The following CACNA2D1 variants were observed in gnomAD, a reference collection of about 807,000 sequenced individuals.
CACNA2D1 encodes the protein calcium voltage-gated channel auxiliary subunit alpha2delta 1.
CACNA2D1 carries 53 observed loss-of-function variants against 171.5 expected under a neutral mutation model. The observed-to-expected ratio is 0.31, with a 90% CI of 0.25 to 0.39. CACNA2D1 has a LOEUF of 0.39. CACNA2D1 is among the 10% of genes least tolerant of loss of function. The pLI is 1.00. For synonymous variants in CACNA2D1, 442 were observed against 443.1 expected (o/e 1.00, Z 0.03); for missense variants, 903 against 1,299.8 (o/e 0.69, Z 4.69).
chr7:82,286,237 C>A (rs1167593921), intron 3 of CACNA2D1, among the ~76,000 whole-genome samples: 4 of 152,032 alleles, frequency 2.6e-5, no homozygotes, highest in African/African-American at 4.8e-5. Flanking sequence ...GGGTCCCAAG[C>A]GATTGAGAAA....
intron 3 of CACNA2D1, among the ~76,000 whole-genome samples, chr7:82,272,602 A>C (rs1808784281): frequency 6.6e-6 from 1 of 152,184 alleles, no homozygotes; most frequent in Non-Finnish European, 1.5e-5. Flanking sequence ...CCAAGTGGCA[A>C]GGAACTGAGG....
intron 26 of CACNA2D1, 25 bp from the exon 27 acceptor site, chr7:81,970,762 A>T: frequency 7.0e-7 from 1 of 1,431,044 alleles, no homozygotes. Flanking sequence ...AAAACAAGGA[A>T]ATGTTCTATT....
chr7:82,233,981 T>C (rs992960579), intron 3 of CACNA2D1, among the ~76,000 whole-genome samples: 1 of 152,104 alleles, frequency 6.6e-6, no homozygotes, highest in Admixed American at 6.6e-5. Context: ...ATTTAAAGCC[T>C]TATCACAACT....
intron 1 of CACNA2D1, among the ~76,000 whole-genome samples, chr7:82,442,437 G>A (rs910631129): frequency 6.6e-6 from 1 of 152,070 alleles, no homozygotes; most frequent in African/African-American, 2.4e-5. Context: ...CCAGAATGCC[G>A]GATAGGCTAT....
intron 6 of CACNA2D1, among the ~76,000 whole-genome samples, chr7:82,107,049 A>G (rs1423833191): frequency 6.6e-6 from 1 of 152,196 alleles, no homozygotes; most frequent in East Asian, 1.9e-4. Flanking sequence ...AATATATAAC[A>G]TGAGATAAAT....
Position 82,370,548 on chromosome 7 carries a change from G to GGGATGGATGGAT in CACNA2D1, c.96-20911_96-20900dup, listed in dbSNP as rs372328517. On this transcript the variant is annotated intron_variant, in intron 1 of 38. Transcript: ENST00000356860. ...AAACTGGAAGAGATAGGTAAATGGA[G>GGGATGGATGGAT]GGATGGATGGATGGATGGATGGATG... is the stretch of plus-strand genomic sequence containing the variant. 5.5e-5 allele frequency among the ~76,000 whole-genome samples: 4 copies of GGGATGGATGGAT among 73,104 alleles called. No individual in the cohort carries two copies. In the South Asian group the frequency reaches 1.4e-3, roughly 25 times the overall value. 48.0% of individuals were successfully genotyped at this position (73,104 alleles called of 152,430 possible). A position where few individuals can be genotyped will look rare whatever the true frequency, so the allele number is the denominator to read the frequency against.
chr7:82,107,586 CT>C (rs72498624), intron 6 of CACNA2D1, among the ~76,000 whole-genome samples: 21,016 of 135,494 alleles, frequency 0.16, 1,403 homozygotes, highest in South Asian at 0.2. Context: ...TGAAAATAAA[CT>C]TTTTTTTTTT....
chr7:82,005,336 G>A (rs901511388), intron 18 of CACNA2D1, 87 bp downstream of exon 18: 7 of 834,348 alleles, frequency 8.4e-6, no homozygotes, highest in African/African-American at 1.7e-5. Flanking sequence ...AGTGTTATAC[G>A]GTAAATTTTA....
intron 1 of CACNA2D1, among the ~76,000 whole-genome samples, chr7:82,367,071 T>C (rs2129447823): frequency 6.6e-6 from 1 of 151,552 alleles, no homozygotes; most frequent in East Asian, 1.9e-4. Flanking sequence ...CATGCCAGGC[T>C]ATTTGTTTTT....
chr7:82,352,104 G>C (rs1585615286), intron 1 of CACNA2D1, among the ~76,000 whole-genome samples: 2 of 152,204 alleles, frequency 1.3e-5, no homozygotes, highest in East Asian at 3.9e-4. Flanking sequence ...AGCCTGTTTT[G>C]GCTGAAAAGC....
At chr7:82,442,879 G>C (rs1364499678) in intron 1 of CACNA2D1, among the ~76,000 whole-genome samples, 1 of 152,212 alleles carries the variant, frequency 6.6e-6, no homozygotes, top group Non-Finnish European at 1.5e-5. Context: ...AAACGAGTTT[G>C]GGCACTACAG....
intron 1 of CACNA2D1, among the ~76,000 whole-genome samples, chr7:82,405,953 A>G (rs964175881): frequency 6.6e-5 from 10 of 152,196 alleles, no homozygotes; most frequent in African/African-American, 2.4e-4. Context: ...GGTTTGTTAC[A>G]TATGTATCCA....
chr7:82,441,618 A>G (rs918999727), intron 1 of CACNA2D1, among the ~76,000 whole-genome samples: 3 of 152,120 alleles, frequency 2.0e-5, no homozygotes, highest in Admixed American at 6.5e-5. Context: ...TTACATTAAT[A>G]TTTTACCACA....
intron 1 of CACNA2D1, among the ~76,000 whole-genome samples, chr7:82,404,538 G>A (rs1276533085): frequency 6.6e-6 from 1 of 152,194 alleles, no homozygotes; most frequent in Non-Finnish European, 1.5e-5. Context: ...GGTCAAGGTT[G>A]AAATGAAGCT....
intron 3 of CACNA2D1, among the ~76,000 whole-genome samples, chr7:82,209,565 T>C (rs1056771404): frequency 1.3e-5 from 2 of 152,066 alleles, no homozygotes; most frequent in African/African-American, 4.8e-5. Context: ...CCCATGAATA[T>C]AAAATAGGGA....
intron 4 of CACNA2D1, among the ~76,000 whole-genome samples, chr7:82,144,932 C>T (rs919208813): frequency 6.6e-6 from 1 of 151,744 alleles, no homozygotes; most frequent in African/African-American, 2.4e-5. Flanking sequence ...ATAATCTGTT[C>T]CTTCTTTGAA....
intron 3 of CACNA2D1, among the ~76,000 whole-genome samples, chr7:82,319,750 G>GACC (rs1391685324): frequency 6.6e-6 from 1 of 152,210 alleles, no homozygotes; most frequent in African/African-American, 2.4e-5. Flanking sequence ...AATCAGGGGT[G>GACC]ACTGGTTCAC....
chr7:82,319,706 G>A (rs1200338420), intron 3 of CACNA2D1, among the ~76,000 whole-genome samples: 8 of 152,112 alleles, frequency 5.3e-5, no homozygotes, highest in East Asian at 1.9e-4. Context: ...TTAAGTTGAC[G>A]GACCTAGAAT....
intron 5 of CACNA2D1, among the ~76,000 whole-genome samples, chr7:82,131,967 C>G (rs17155889): frequency 0.036 from 5,526 of 152,160 alleles, 134 homozygotes; most frequent in Admixed American, 0.056. Context: ...CCATAGGAGT[C>G]TAACTTCATG....
Sources: allele counts gnomAD v4.1 joint callset (sites outside exome capture counted in the v4.1 genomes callset), GRCh38; gene constraint gnomAD v4.1.1; transcripts MANE v1.5; gene names NCBI Gene and HGNC (gene_info 2026-07-23, HGNC 2026-07-21).